Variants in CDH13 observed in about 807,000 individuals in gnomAD.
CDH13 encodes the protein cadherin 13.
CDH13 carries 24 observed loss-of-function variants against 63.8 expected under a neutral mutation model. The observed-to-expected ratio is 0.38, with a 90% CI of 0.27 to 0.53. CDH13 has a LOEUF of 0.53. Ranked by LOEUF, CDH13 falls within the 20% of genes least tolerant of loss-of-function variation. CDH13 has a pLI of 0.85. For synonymous variants in CDH13, 503 were observed against 355.3 expected, an observed-to-expected ratio of 1.42 and a Z score of -4.67; for missense variants, 1,049 against 903.1, an observed-to-expected ratio of 1.16 and a Z score of -2.07.
chr16:83,460,117 T>C (rs1012398182), intron 6 of CDH13, among the ~76,000 whole-genome samples: 1 of 152,138 alleles, frequency 6.6e-6, no homozygotes, highest in African/African-American at 2.4e-5. Context: ...TTTCACAGAA[T>C]AAGAAAAATG....
chr16:83,010,149 A>AAAAAAAAAC (rs1913985785), intron 2 of CDH13, among the ~76,000 whole-genome samples: 3 of 148,548 alleles, frequency 2.0e-5, no homozygotes, highest in South Asian at 2.1e-4. Context: ...AAAAAAAAAA[A>AAAAAAAAAC]AAAAAAAAAA....
chr16:83,001,983 C>G (rs1023160899), intron 2 of CDH13, among the ~76,000 whole-genome samples: 4 of 152,182 alleles, frequency 2.6e-5, no homozygotes, highest in African/African-American at 9.7e-5. Flanking sequence ...CAACCACATT[C>G]CAGGGACTGT....
chr16:82,629,205 C>G (rs911470025), intron 1 of CDH13, among the ~76,000 whole-genome samples: 30 of 152,216 alleles, frequency 2.0e-4, no homozygotes, highest in Non-Finnish European at 2.9e-5. Flanking sequence ...TGGTGTGTCT[C>G]CTCACCCAGG....
chr16:82,806,067 C>A (rs1358252004), intron 1 of CDH13, among the ~76,000 whole-genome samples: 1 of 152,098 alleles, frequency 6.6e-6, no homozygotes, highest in African/African-American at 2.4e-5. Context: ...TGTTAGTGAA[C>A]CCATCTGGTC....
chr16:83,514,782 T>C (rs1355166504), intron 7 of CDH13, among the ~76,000 whole-genome samples: 1 of 152,180 alleles, frequency 6.6e-6, no homozygotes, highest in Non-Finnish European at 1.5e-5. Context: ...AGCAAACAAC[T>C]AGAAGCTAGG....
chr16:83,735,476 A>G (rs1218936381), intron 10 of CDH13: 2 of 152,132 alleles, frequency 1.3e-5, no homozygotes, highest in Non-Finnish European at 1.5e-5. Context: ...TATATTTATG[A>G]GGCATAATGT....
At chr16:83,385,370 T>C (rs2091652673) in intron 6 of CDH13, among the ~76,000 whole-genome samples, 2 of 152,154 alleles carry the variant, frequency 1.3e-5, no homozygotes, top group African/African-American at 2.4e-5. Context: ...CCCAGCAGAG[T>C]AGCTTCCAGA....
At chr16:82,745,120 T>G (rs2034102399) in intron 1 of CDH13, among the ~76,000 whole-genome samples, 1 of 152,234 alleles carries the variant, frequency 6.6e-6, no homozygotes, top group South Asian at 2.1e-4. Flanking sequence ...CAAGTTAATC[T>G]GTGACACTTT....
At chr16:83,456,246 G>A (rs1298151666) in intron 6 of CDH13, among the ~76,000 whole-genome samples, 2 of 152,250 alleles carry the variant, frequency 1.3e-5, no homozygotes, top group East Asian at 3.9e-4. Flanking sequence ...ATGTCGGGAT[G>A]TGGCAGTTAC....
intron 6 of CDH13, among the ~76,000 whole-genome samples, chr16:83,355,917 G>T (rs983113027): frequency 2.6e-5 from 4 of 152,140 alleles, no homozygotes; most frequent in African/African-American, 9.7e-5. Flanking sequence ...ACTGGTCCAG[G>T]TTCCACACCT....
intron 5 of CDH13, among the ~76,000 whole-genome samples, chr16:83,259,059 G>A (rs1225310460): frequency 6.6e-6 from 1 of 152,166 alleles, no homozygotes; most frequent in Non-Finnish European, 1.5e-5. Flanking sequence ...TGGGAAGGGG[G>A]AAAATGTGTC....
intron 2 of CDH13, among the ~76,000 whole-genome samples, chr16:83,027,461 G>A (rs933887084): frequency 7.9e-5 from 12 of 152,268 alleles, no homozygotes; most frequent in Admixed American, 5.9e-4. Flanking sequence ...CAGAGAGGGA[G>A]CACTATACAC....
chr16:83,466,519 T>G lies in CDH13; in HGVS notation c.782-19958T>G, dbSNP rs76697623. Among the ~76,000 whole-genome samples the G allele has an allele frequency of 2.7e-3, 405 of 152,302 alleles. 2 individuals carry two copies. Among genetic ancestry groups the G allele is most frequent in the African/African-American group, 9.6e-3 (397 of 41,554 alleles). ...GGGCTGGGGAGGAAAACTGCAAACA[T>G]CATGCAATTTATATAACATTTTCCC... On this transcript the variant is annotated intron_variant, in intron 6 of 13. Transcript: ENST00000567109.
intron 2 of CDH13, among the ~76,000 whole-genome samples, chr16:82,863,398 C>T (rs971927262): frequency 6.6e-6 from 1 of 152,206 alleles, no homozygotes; most frequent in Non-Finnish European, 1.5e-5. Flanking sequence ...TCATGGACTC[C>T]AGTTGCTTCC....
intron 1 of CDH13, among the ~76,000 whole-genome samples, chr16:82,828,347 G>A (rs2038354856): frequency 6.6e-6 from 1 of 152,180 alleles, no homozygotes; most frequent in South Asian, 2.1e-4. Flanking sequence ...GCCGAGTGTG[G>A]TGGCTCACGC....
intron 2 of CDH13, among the ~76,000 whole-genome samples, chr16:82,991,828 G>A (rs1013633509): frequency 7.4e-5 from 11 of 147,832 alleles, no homozygotes; most frequent in African/African-American, 2.8e-4. Flanking sequence ...GAAGAGGGAA[G>A]GAGAAATTTA....
Position 82,858,312 on chromosome 16 carries a change from G to C in CDH13, c.46-50G>C, listed in dbSNP as rs571314173. 6 of 1,270,068 alleles carry C rather than the reference G, an allele frequency of 4.7e-6. 1 individual carries two copies. Among genetic ancestry groups the C allele is most frequent in the African/African-American group, 1.5e-5 (1 of 68,200 alleles). The allele number at this position is 1,270,068 out of a possible 1,614,324, so 78.7% of individuals were successfully genotyped here. ...TTGCGGATTTGGCGAAAGTTAGCAG[G>C]GCAAACACATAAGCCGCTATTAAAA... On this transcript the variant is annotated intron_variant, in intron 1 of 13. Transcript: ENST00000567109.
intron 1 of CDH13, among the ~76,000 whole-genome samples, chr16:82,669,657 C>T (rs1325206735): frequency 6.6e-6 from 1 of 152,200 alleles, no homozygotes; most frequent in Non-Finnish European, 1.5e-5. Context: ...AATTAAGATG[C>T]TGTTTCTTCT....
chr16:83,369,800 A>G (rs2091329640), intron 6 of CDH13, among the ~76,000 whole-genome samples: 1 of 151,980 alleles, frequency 6.6e-6, no homozygotes, highest in South Asian at 2.1e-4. Flanking sequence ...ACCCCACACC[A>G]ACATCCTTTC....
Sources: gnomAD v4.1 joint callset for allele counts (sites outside exome capture counted in the v4.1 genomes callset) on GRCh38, gnomAD v4.1.1 for gene constraint, MANE v1.5 for transcripts, NCBI Gene and HGNC (gene_info 2026-07-23, HGNC 2026-07-21) for gene names.